The following FBXL17 variants were observed in gnomAD, a reference collection of about 807,000 sequenced individuals.
FBXL17 encodes F-box and leucine rich repeat protein 17.
Under a neutral mutation model 66.2 loss-of-function variants are expected in FBXL17, and 22 were observed. The ratio of observed to expected loss-of-function variants is 0.33; its 90% CI spans 0.24 to 0.47. The LOEUF (loss-of-function observed/expected upper bound fraction) is 0.47. Ranked by LOEUF, FBXL17 falls within the 20% of genes least tolerant of loss-of-function variation. FBXL17 has a pLI of 1.00. For synonymous variants in FBXL17, 474 were observed against 400.5 expected (o/e 1.18, Z -2.19); for missense variants, 878 against 948.2 (o/e 0.93, Z 0.97).
intron 7 of FBXL17, 83 bp downstream of exon 7, chr5:108,020,842 T>C: frequency 1.0e-6 from 1 of 973,024 alleles, no homozygotes; most frequent in South Asian, 1.3e-5. Context: ...TATGATATAG[T>C]TCTTGATTTC....
chr5:108,130,506 C>T (rs114148043), intron 6 of FBXL17, among the ~76,000 whole-genome samples: 1,990 of 151,872 alleles, frequency 0.013, 38 homozygotes, highest in African/African-American at 0.044. Context: ...ATAAAGAAAA[C>T]GAAAAGTATC....
chr5:108,272,539 G>T (rs1757319335), intron 4 of FBXL17, among the ~76,000 whole-genome samples: 1 of 151,924 alleles, frequency 6.6e-6, no homozygotes, highest in East Asian at 2.0e-4. Context: ...GTTTTTAGTA[G>T]AGACAGGTTT....
intron 7 of FBXL17, among the ~76,000 whole-genome samples, chr5:107,950,259 G>C (rs1186365612): frequency 7.9e-5 from 12 of 151,970 alleles, no homozygotes; most frequent in Non-Finnish European, 1.6e-4. Context: ...GATCACTTTA[G>C]ATATACAATT....
intron 5 of FBXL17, 88 bp from the exon 6 acceptor site, chr5:108,186,335 G>A: frequency 9.3e-7 from 1 of 1,077,130 alleles, no homozygotes; most frequent in Non-Finnish European, 1.4e-6. Flanking sequence ...ACAAGGTAGA[G>A]TATCACTGTA....
At chr5:107,938,808 C>T (rs1750994883) in intron 7 of FBXL17, among the ~76,000 whole-genome samples, 1 of 151,976 alleles carries the variant, frequency 6.6e-6, no homozygotes, top group African/African-American at 2.4e-5. Context: ...ATAATAGTGG[C>T]CCTTCTTTAT....
chr5:107,902,149 G>A lies in FBXL17; in HGVS notation c.1823-20970C>T, dbSNP rs150181452. ...TGGAATCTCTGTTCTAATTGTTTCC[G>A]TACTATGCTGTGGTTTTTTAGTTTT... On this transcript the variant is annotated intron_variant, in intron 7 of 8. Coordinates refer to ENST00000542267, the MANE Select transcript of FBXL17 (RefSeq NM_001163315.3). Among the ~76,000 whole-genome samples, 331 of 152,194 alleles carry A rather than the reference G, an allele frequency of 2.2e-3. 1 individual carries two copies. The highest frequency in any genetic ancestry group is 7.3e-3 in the African/African-American group (303 of 41,540).
intron 4 of FBXL17, among the ~76,000 whole-genome samples, chr5:108,272,008 C>T (rs984735526): frequency 2.0e-5 from 3 of 152,144 alleles, no homozygotes; most frequent in Admixed American, 6.5e-5. Flanking sequence ...AAGCAACCAA[C>T]GGCCGGGTGC....
At chr5:108,148,887 CACA>C (rs1429822092) in intron 6 of FBXL17, among the ~76,000 whole-genome samples, 1 of 152,170 alleles carries the variant, frequency 6.6e-6, no homozygotes, top group Non-Finnish European at 1.5e-5. Context: ...AAAAGTATGT[CACA>C]ACAATATCAC....
At chr5:108,211,690 G>C (rs1754378875) in intron 5 of FBXL17, among the ~76,000 whole-genome samples, 1 of 152,210 alleles carries the variant, frequency 6.6e-6, no homozygotes, top group South Asian at 2.1e-4. Flanking sequence ...TCTACAGAAA[G>C]ATCCCCTGTT....
rs189945038 is a variant in FBXL17 at position 108,091,935 on chromosome 5, G to A, written c.1746-70934C>T. Among the ~76,000 whole-genome samples the A allele has an allele frequency of 2.2e-3, 334 of 152,302 alleles. 1 individual carries two copies. Among genetic ancestry groups the A allele is most frequent in the Non-Finnish European group, 3.6e-3 (248 of 68,020 alleles). Reference sequence around the variant, plus strand: ...AATGAAATATTTAGTTTTAGTAACAGTAAAATAATATATAACAGCATGTTT... The same window carrying A: ...AATGAAATATTTAGTTTTAGTAACAATAAAATAATATATAACAGCATGTTT... On this transcript the variant is annotated intron_variant, in intron 6 of 8. Coordinates refer to ENST00000542267, the MANE Select transcript of FBXL17 (RefSeq NM_001163315.3).
intron 7 of FBXL17, among the ~76,000 whole-genome samples, chr5:107,949,336 T>C (rs577699010): frequency 6.6e-6 from 1 of 152,236 alleles, no homozygotes; most frequent in East Asian, 1.9e-4. Context: ...TTAAGGCAAG[T>C]AGGGAGGTAA....
chr5:108,244,843 C>T (rs916309853), intron 4 of FBXL17, among the ~76,000 whole-genome samples: 8 of 152,092 alleles, frequency 5.3e-5, no homozygotes, highest in Non-Finnish European at 1.0e-4. Context: ...CTGTATATAA[C>T]AGGTTTACCT....
chr5:108,028,232 A>G (rs1754902668), intron 6 of FBXL17, among the ~76,000 whole-genome samples: 2 of 152,150 alleles, frequency 1.3e-5, no homozygotes, highest in African/African-American at 4.8e-5. Context: ...TGCCCACCAC[A>G]AAAACATTAA....
chr5:108,238,324 A>G (rs1456650491), intron 4 of FBXL17, among the ~76,000 whole-genome samples: 1 of 152,222 alleles, frequency 6.6e-6, no homozygotes, highest in Non-Finnish European at 1.5e-5. Context: ...CAGTCAAGAC[A>G]ACAATATTTA....
At chr5:107,967,739 A>C (rs1456236349) in intron 7 of FBXL17, among the ~76,000 whole-genome samples, 1 of 152,130 alleles carries the variant, frequency 6.6e-6, no homozygotes, top group Admixed American at 6.6e-5. Context: ...TATGCATCCC[A>C]AATTAGATGT....
At chr5:108,227,841 T>C (rs1184552533) in intron 4 of FBXL17, among the ~76,000 whole-genome samples, 1 of 152,200 alleles carries the variant, frequency 6.6e-6, no homozygotes, top group Non-Finnish European at 1.5e-5. Flanking sequence ...AAAGAATTTT[T>C]AAGGCACTAA....
intron 7 of FBXL17, among the ~76,000 whole-genome samples, chr5:107,968,741 C>T (rs1752248887): frequency 6.6e-6 from 1 of 152,112 alleles, no homozygotes; most frequent in Non-Finnish European, 1.5e-5. Flanking sequence ...ATATCAAATG[C>T]ACTCTGTACT....
intron 7 of FBXL17, among the ~76,000 whole-genome samples, chr5:108,008,564 T>C (rs1253422884): frequency 6.6e-6 from 1 of 152,226 alleles, no homozygotes; most frequent in African/African-American, 2.4e-5. Flanking sequence ...TGCACATATA[T>C]AGGTATGCTA....
chr5:108,008,487 T>C (rs975770879), intron 7 of FBXL17, among the ~76,000 whole-genome samples: 4 of 152,202 alleles, frequency 2.6e-5, no homozygotes, highest in Admixed American at 6.5e-5. Flanking sequence ...ATTTATTTTG[T>C]AGGGCAGAAA....
Sources: allele counts gnomAD v4.1 joint callset (sites outside exome capture counted in the v4.1 genomes callset), GRCh38; gene constraint gnomAD v4.1.1; transcripts MANE v1.5; gene names NCBI Gene and HGNC (gene_info 2026-07-23, HGNC 2026-07-21).